Variants in UBE2H observed in about 807,000 individuals in gnomAD.
UBE2H encodes ubiquitin-conjugating enzyme E2 H.
A neutral mutation model predicts 29.0 loss-of-function variants in UBE2H; 3 were observed. The ratio of observed to expected loss-of-function variants is 0.10; its 90% CI spans 0.05 to 0.27. The LOEUF (loss-of-function observed/expected upper bound fraction) is 0.27, where lower values mean the gene tolerates loss of function less well. UBE2H is among the 10% of genes least tolerant of loss of function. The pLI, the probability that UBE2H is intolerant of heterozygous loss-of-function variation, is 1.00. For missense variants in UBE2H, 68 were observed against 228.2 expected, an observed-to-expected ratio of 0.30 and a Z score of 4.52; for synonymous variants, 69 against 82.9, an observed-to-expected ratio of 0.83 and a Z score of 0.91.
chr7:129,837,226 G>A (rs758671184), intron 6 of UBE2H, among the ~76,000 whole-genome samples: 1 of 152,214 alleles, frequency 6.6e-6, no homozygotes, highest in East Asian at 1.9e-4. Context: ...TCTCCCTGGA[G>A]GGGACTGACT....
intron 1 of UBE2H, among the ~76,000 whole-genome samples, chr7:129,925,784 G>A (rs1450139988): frequency 3.3e-5 from 5 of 152,178 alleles, no homozygotes; most frequent in African/African-American, 1.2e-4. Flanking sequence ...GTGACGTGAT[G>A]GCAGAAGCGA....
At chr7:129,837,645 T>A (rs911590123) in intron 6 of UBE2H, among the ~76,000 whole-genome samples, 3 of 151,620 alleles carry the variant, frequency 2.0e-5, no homozygotes, top group Non-Finnish European at 4.4e-5. Flanking sequence ...AGATCACAGA[T>A]TGGTGGTGGG....
At chr7:129,874,569 A>T (rs1806107456) in intron 3 of UBE2H, among the ~76,000 whole-genome samples, 1 of 152,176 alleles carries the variant, frequency 6.6e-6, no homozygotes, top group African/African-American at 2.4e-5. Context: ...TCGGCCTCCC[A>T]AAGTGTTGGG....
intron 1 of UBE2H, among the ~76,000 whole-genome samples, chr7:129,906,865 A>G (rs1806828423): frequency 6.6e-6 from 1 of 152,218 alleles, no homozygotes; most frequent in South Asian, 2.1e-4. Context: ...AATCCGTGCC[A>G]AAAGTCCAAA....
rs145180500 is a variant in UBE2H at position 129,897,895 on chromosome 7, T to C, written c.54-16924A>G. Among the ~76,000 whole-genome samples the C allele has an allele frequency of 3.7e-3, 566 of 152,300 alleles. 1 individual carries two copies. Among genetic ancestry groups the C allele is most frequent in the African/African-American group, 0.013 (529 of 41,574 alleles). On this transcript the variant is annotated intron_variant, in intron 1 of 6. Transcript: ENST00000355621. ...TACAGAAGTGTAGTTAACAGGAAAA[T>C]ACCTTATTTGATAATACGTTCAAAT...
intron 1 of UBE2H, among the ~76,000 whole-genome samples, chr7:129,942,055 C>T (rs1807656354): frequency 1.3e-5 from 2 of 151,454 alleles, no homozygotes; most frequent in African/African-American, 4.9e-5. Context: ...ACGAAAAATA[C>T]AAAAGTAAGC....
At chr7:129,887,729 G>A (rs897914462) in intron 1 of UBE2H, among the ~76,000 whole-genome samples, 9 of 151,716 alleles carry the variant, frequency 5.9e-5, no homozygotes, top group Middle Eastern at 3.2e-3. Flanking sequence ...GAGAAACCCC[G>A]TCCCTACTAA....
At chr7:129,909,058 T>C (rs1400860392) in intron 1 of UBE2H, among the ~76,000 whole-genome samples, 2 of 152,236 alleles carry the variant, frequency 1.3e-5, no homozygotes, top group South Asian at 2.1e-4. Flanking sequence ...TCTATACCAA[T>C]GCTTTTACTA....
At chr7:129,888,317 C>T (rs1806404467) in intron 1 of UBE2H, among the ~76,000 whole-genome samples, 1 of 152,150 alleles carries the variant, frequency 6.6e-6, no homozygotes, top group Non-Finnish European at 1.5e-5. Flanking sequence ...TGAGAAAAGA[C>T]AATGGGAAGT....
At chr7:129,871,762 A>G (rs892346095) in intron 3 of UBE2H, among the ~76,000 whole-genome samples, 1 of 152,122 alleles carries the variant, frequency 6.6e-6, no homozygotes, top group Non-Finnish European at 1.5e-5. Context: ...CCATTATGTA[A>G]CTGTTTGGGA....
chr7:129,884,934 C>T (rs945041286), intron 1 of UBE2H, among the ~76,000 whole-genome samples: 11 of 152,006 alleles, frequency 7.2e-5, no homozygotes, highest in African/African-American at 2.7e-4. Flanking sequence ...GCTGCACTGG[C>T]TCATGCCTAT....
intron 3 of UBE2H, among the ~76,000 whole-genome samples, chr7:129,870,514 T>G (rs1187782371): frequency 6.6e-6 from 1 of 152,116 alleles, no homozygotes. Context: ...AGGTCCAAGC[T>G]GCAGTGAGCC....
intron 1 of UBE2H, among the ~76,000 whole-genome samples, chr7:129,943,618 T>C (rs759465911): frequency 4.6e-5 from 7 of 151,790 alleles, no homozygotes; most frequent in East Asian, 1.9e-4. Context: ...AAAAACCAGA[T>C]TGGCCAGGCA....
chr7:129,848,831 G>C lies in UBE2H; in HGVS notation c.298+8680C>G, dbSNP rs1382477242. 3.8e-5 allele frequency among the ~76,000 whole-genome samples: 5 copies of C among 131,102 alleles called. No homozygotes were observed. The Admixed American group carries it at 4.2e-4, about 11-fold the overall frequency. The allele number at this position is 131,102 out of a possible 152,430, so 86.0% of individuals were successfully genotyped here. On this transcript the variant is annotated intron_variant, in intron 5 of 6. Coordinates refer to ENST00000355621, the MANE Select transcript of UBE2H (RefSeq NM_003344.4). ...GTATCTACTATATGCACAAAAACCAGGTAGCTTTTTTTTTTTTTTTTGGTA... is the reference window on the plus strand; with the variant it reads ...GTATCTACTATATGCACAAAAACCACGTAGCTTTTTTTTTTTTTTTTGGTA...
intron 1 of UBE2H, among the ~76,000 whole-genome samples, chr7:129,899,983 A>G (rs1806676613): frequency 6.6e-6 from 1 of 152,110 alleles, no homozygotes; most frequent in Admixed American, 6.5e-5. Flanking sequence ...TACAAAAACT[A>G]GCCAGGTGTG....
At chr7:129,932,812 GTCTA>G (rs139636006) in intron 1 of UBE2H, among the ~76,000 whole-genome samples, 35,719 of 143,762 alleles carry the variant, frequency 0.25, 4,641 homozygotes, top group African/African-American at 0.3. Context: ...TGTCAGAACT[GTCTA>G]TCTACATCAG....
At chr7:129,910,614 T>G (rs35189138) in intron 1 of UBE2H, among the ~76,000 whole-genome samples, 9,668 of 151,992 alleles carry the variant, frequency 0.064, 362 homozygotes, top group Non-Finnish European at 0.092. Flanking sequence ...CAAAAAACAG[T>G]ATCATGCCTG....
chr7:129,938,993 T>C (rs1238751625), intron 1 of UBE2H, among the ~76,000 whole-genome samples: 2 of 152,044 alleles, frequency 1.3e-5, no homozygotes, highest in Non-Finnish European at 2.9e-5. Flanking sequence ...GAGATGGGGC[T>C]TCACCATGTT....
In UBE2H at chr7:129,931,428, T is replaced by C. The variant is rs183741905; in HGVS notation, c.53+21075A>G. Among the ~76,000 whole-genome samples the C allele has an allele frequency of 1.1e-3, 174 of 152,240 alleles. 1 individual carries two copies. Among genetic ancestry groups the C allele is most frequent in the African/African-American group, 3.8e-3 (157 of 41,572 alleles). On this transcript the variant is annotated intron_variant, in intron 1 of 6. Transcript: ENST00000355621. Reference sequence around the variant, plus strand: ...AAACCTGAAGACCTCAAAGAGCTTTTCTATGTGTGTTATTTACCATTTTAG... The same window carrying C: ...AAACCTGAAGACCTCAAAGAGCTTTCCTATGTGTGTTATTTACCATTTTAG...
Sources: allele counts gnomAD v4.1 joint callset (sites outside exome capture counted in the v4.1 genomes callset), GRCh38; gene constraint gnomAD v4.1.1; transcripts MANE v1.5; gene names NCBI Gene and HGNC (gene_info 2026-07-23, HGNC 2026-07-21).